Variants in IQGAP3 observed in about 807,000 individuals in gnomAD.
The protein encoded by IQGAP3 is IQ motif containing GTPase activating protein 3.
A neutral mutation model predicts 208.2 loss-of-function variants in IQGAP3; 165 were observed. The ratio of observed to expected loss-of-function variants is 0.79; its 90% CI spans 0.70 to 0.90. IQGAP3 has a LOEUF of 0.90. Ranked by LOEUF, IQGAP3 falls within the 40% of genes least tolerant of loss-of-function variation. IQGAP3 has a pLI of 0.00. For missense variants in IQGAP3, 1,811 were observed against 2,043.1 expected (o/e 0.89, Z 2.19); for synonymous variants, 703 against 803.6 (o/e 0.87, Z 2.12).
At position 156,544,227 on chromosome 1, in the gene IQGAP3, G is replaced by A; in HGVS notation, c.2389-4C>T. Reference sequence around the variant, plus strand: ...ACATCCGGGCCCAGGCCTGGATCTGGGAGAAGAAACACACTGCCTCAGCTC... The same window carrying A: ...ACATCCGGGCCCAGGCCTGGATCTGAGAGAAGAAACACACTGCCTCAGCTC... On this transcript the variant is annotated splice_region_variant and splice_polypyrimidine_tract_variant and intron_variant, in intron 20 of 37. Transcript: ENST00000361170. 1 of 1,614,058 alleles carries A rather than the reference G, an allele frequency of 6.2e-7. No homozygotes were observed. Among genetic ancestry groups the A allele is most frequent in the African/African-American group, 1.3e-5 (1 of 75,030 alleles).
At chr1:156,547,196 A>G (rs1324412962) in intron 19 of IQGAP3, among the ~76,000 whole-genome samples, 1 of 152,196 alleles carries the variant, frequency 6.6e-6, no homozygotes, top group Admixed American at 6.5e-5. Flanking sequence ...CTCAGAGGCC[A>G]CACTGGACCA....
At chr1:156,535,578 C>T (rs1379970624) in intron 27 of IQGAP3, among the ~76,000 whole-genome samples, 1 of 152,174 alleles carries the variant, frequency 6.6e-6, no homozygotes, top group Non-Finnish European at 1.5e-5. Context: ...CTCACCATAG[C>T]CATCCCCCAT....
chr1:156,541,054 T>A, intron 22 of IQGAP3, 138 bp from the exon 23 acceptor site: 1 of 667,476 alleles, frequency 1.5e-6, no homozygotes, highest in African/African-American at 1.8e-5. Flanking sequence ...CTCTTCTAAC[T>A]GGTTCTGCTT....
chr1:156,527,118 A>C (rs900655167), intron 37 of IQGAP3, among the ~76,000 whole-genome samples: 3 of 151,108 alleles, frequency 2.0e-5, no homozygotes, highest in Non-Finnish European at 3.0e-5. Context: ...GGCGTGAGCC[A>C]CTGCACCCGG....
Position 156,538,978 on chromosome 1 carries a change from G to A in IQGAP3, c.3112C>T (p.Leu1038=), listed in dbSNP as rs1284764907. 5 of 1,614,052 alleles carry A rather than the reference G, an allele frequency of 3.1e-6. No homozygotes were observed. The highest frequency in any genetic ancestry group is 4.2e-6 in the Non-Finnish European group (5 of 1,180,026). ...VVTGNPTVVR[L]VVRFYRNGRG... Reference sequence around the variant, plus strand: ...CCATTACGGTAGAATCTCACCACCAGCCTCACCACTGTTGGGTTGCCTGTC... The same window carrying A: ...CCATTACGGTAGAATCTCACCACCAACCTCACCACTGTTGGGTTGCCTGTC... The change falls in exon 26 of 38, where the codon CTG becomes TTG. Residue 1038 remains leucine (L), a synonymous_variant. Transcript: ENST00000361170.
At chr1:156,548,296 C>T (rs4661045) in intron 18 of IQGAP3, 52 bp downstream of exon 18, 5 of 1,608,540 alleles carry the variant, frequency 3.1e-6, no homozygotes, top group Middle Eastern at 3.3e-4. Flanking sequence ...GGAGCCTCTT[C>T]TTCAGGACAT....
intron 9 of IQGAP3, among the ~76,000 whole-genome samples, chr1:156,562,275 C>T (rs919920165): frequency 1.1e-4 from 17 of 152,068 alleles, no homozygotes; most frequent in Non-Finnish European, 2.4e-4. Flanking sequence ...CCAGATCCCC[C>T]CATCCTCATG....
In IQGAP3 at chr1:156,526,450, A is replaced by T; in HGVS notation, c.*36T>A. 1 of 1,290,058 alleles carries T rather than the reference A, an allele frequency of 7.8e-7. No homozygotes were observed. The highest frequency in any genetic ancestry group is 1.2e-5 in the South Asian group (1 of 84,130). The allele number at this position is 1,290,058 out of a possible 1,614,324, so 79.9% of individuals were successfully genotyped here. A position where few individuals can be genotyped will look rare whatever the true frequency, so the allele number is the denominator to read the frequency against. ...TTAGTGTTAAAGAAAGCATCCAGAG[A>T]GGTAAGAGGGGCTTGGGTAGCACCC... On this transcript the variant is annotated 3_prime_UTR_variant, in exon 38 of 38. Coordinates refer to ENST00000361170, the MANE Select transcript of IQGAP3 (RefSeq NM_178229.5).
At chr1:156,551,657 G>T in intron 15 of IQGAP3, 48 bp downstream of exon 15, 1 of 1,562,516 alleles carries the variant, frequency 6.4e-7, no homozygotes, top group African/African-American at 1.4e-5. Context: ...AACCCACAGA[G>T]AATGTTCTTC....
chr1:156,534,028 T>C lies in IQGAP3; in HGVS notation c.3854A>G (p.Glu1285Gly). 1.2e-6 allele frequency: 2 copies of C among 1,613,556 alleles called. No homozygotes were observed. Among genetic ancestry groups the C allele is most frequent in the Non-Finnish European group, 1.7e-6 (2 of 1,179,984 alleles). Residue 1285 changes from glutamate (E) to glycine (G), a missense_variant, in exon 30 of 38, where the codon GAG (glutamate) becomes GGG (glycine). Glu to Gly is a moderately conservative substitution (Grantham distance 98). Coordinates refer to ENST00000361170, the MANE Select transcript of IQGAP3 (RefSeq NM_178229.5). ...CCTCACCCTGTGCGTGTTGACCAGC[T>C]CCCCCACGGTGATGTACACCATGGG... Reference protein sequence around the residue: ...AKPMVYITVGELVNTHRLLLE... With the variant: ...AKPMVYITVGGLVNTHRLLLE...
intron 32 of IQGAP3, 117 bp downstream of exon 32, chr1:156,532,863 C>T (rs771850958): frequency 4.5e-6 from 5 of 1,122,106 alleles, no homozygotes; most frequent in African/African-American, 1.5e-5. Context: ...GGAGAACTTC[C>T]TGAAGGATAA....
rs1674062028 is a variant in IQGAP3 at position 156,526,436 on chromosome 1, G to T, written c.*50C>A. 3 of 1,194,410 alleles carry T rather than the reference G, an allele frequency of 2.5e-6. No individual in the cohort carries two copies. Among genetic ancestry groups the T allele is most frequent in the South Asian group, 2.4e-5 (2 of 81,876 alleles). 74.0% of individuals were successfully genotyped at this position (1,194,410 alleles called of 1,614,324 possible). A position where few individuals can be genotyped will look rare whatever the true frequency, so the allele number is the denominator to read the frequency against. Reference sequence around the variant, plus strand: ...AGCACAGTGGTGAGTTAGTGTTAAAGAAAGCATCCAGAGAGGTAAGAGGGG... The same window carrying T: ...AGCACAGTGGTGAGTTAGTGTTAAATAAAGCATCCAGAGAGGTAAGAGGGG... On this transcript the variant is annotated 3_prime_UTR_variant, in exon 38 of 38. Coordinates refer to ENST00000361170, the MANE Select transcript of IQGAP3 (RefSeq NM_178229.5).
At chr1:156,546,616 A>G (rs529945647) in intron 19 of IQGAP3, among the ~76,000 whole-genome samples, 147 of 152,346 alleles carry the variant, frequency 9.6e-4, no homozygotes, top group Non-Finnish European at 1.6e-3. Flanking sequence ...TAAGTGCTAC[A>G]TGTAATTTTC....
rs756650914 is a variant in IQGAP3, at chr1:156,540,701, C to T, written c.2739+7G>A. On this transcript the variant is annotated splice_region_variant and intron_variant, in intron 23 of 37. Transcript: ENST00000361170. ...CTCGGGGAGGGGAGGACTGGTGGGC[C>T]CCATACCTGCAGAGTGATCCGGTTC... 1.1e-5 allele frequency: 18 copies of T among 1,612,428 alleles called. No individual in the cohort carries two copies. In the Admixed American group the frequency reaches 2.5e-4, roughly 22 times the overall value.
intron 19 of IQGAP3, 58 bp downstream of exon 19, chr1:156,548,015 T>C: frequency 2.7e-6 from 4 of 1,477,516 alleles, no homozygotes; most frequent in Non-Finnish European, 3.7e-6. Flanking sequence ...GCAGCGTGGA[T>C]ACCCTGGAGC....
At chr1:156,537,489 G>T (rs1463800340) in intron 26 of IQGAP3, among the ~76,000 whole-genome samples, 168 bp from the exon 27 acceptor site, 3 of 152,220 alleles carry the variant, frequency 2.0e-5, no homozygotes, top group Non-Finnish European at 4.4e-5. Flanking sequence ...AAGGACTGGA[G>T]AAATGCAGTC....
In IQGAP3 at chr1:156,563,830, A is replaced by C. The variant is rs1028388667; in HGVS notation, c.438-6T>G. On this transcript the variant is annotated splice_region_variant and splice_polypyrimidine_tract_variant and intron_variant, in intron 5 of 37. Transcript: ENST00000361170. The stretch of plus-strand genomic sequence containing the variant: ...CCAGCCGGAAGAGGAAGAGACTAGG[A>C]AAAAACGGAAGGCATTGGAAGGCAC... 6.2e-7 allele frequency: 1 copy of C among 1,613,308 alleles called. No individual in the cohort carries two copies. Among genetic ancestry groups the C allele is most frequent in the African/African-American group, 1.3e-5 (1 of 75,004 alleles).
In IQGAP3 at chr1:156,528,984, A is replaced by G. The variant is rs139951838; in HGVS notation, c.4503T>C (p.Tyr1501=). ...GGCTGTAGTAGTCACCCTGCTCCTCATAGAAGGTGGTCTTAGTGCTCAGGC... is the reference window on the plus strand; with the variant it reads ...GGCTGTAGTAGTCACCCTGCTCCTCGTAGAAGGTGGTCTTAGTGCTCAGGC... ...LQGLSTKTTF[Y]EEQGDYYSQY... Residue 1501 remains tyrosine (Y), a synonymous_variant, in exon 35 of 38, where the codon TAT becomes TAC. Coordinates refer to ENST00000361170, the MANE Select transcript of IQGAP3 (RefSeq NM_178229.5). 8 of 1,614,078 alleles carry G rather than the reference A, an allele frequency of 5.0e-6. No homozygotes were observed. Among genetic ancestry groups the G allele is most frequent in the Non-Finnish European group, 5.9e-6 (7 of 1,180,042 alleles).
chr1:156,569,260 G>T (rs776836056), intron 2 of IQGAP3, 116 bp downstream of exon 2: 5 of 635,048 alleles, frequency 7.9e-6, no homozygotes, highest in Non-Finnish European at 1.4e-5. Context: ...ATTTCAACTC[G>T]CCCTTTCCCA....
Sources: gnomAD v4.1 joint callset for allele counts (sites outside exome capture counted in the v4.1 genomes callset) on GRCh38, gnomAD v4.1.1 for gene constraint, MANE v1.5 for transcripts, NCBI Gene and HGNC (gene_info 2026-07-23, HGNC 2026-07-21) for gene names.